ALG13: variants seen among roughly 807,000 people sequenced by gnomAD.
ALG13 encodes the protein ALG13 UDP-N-acetylglucosaminyltransferase subunit.
In ALG13, 11 loss-of-function variants were observed where a neutral mutation model predicts 87.8. The observed-to-expected ratio is 0.13, with a 90% CI of 0.08 to 0.21. ALG13 has a LOEUF of 0.21. ALG13 is among the 10% of genes least tolerant of loss of function. The pLI is 1.00. For missense variants in ALG13, 756 were observed against 866.1 expected, an observed-to-expected ratio of 0.87 and a Z score of 1.60; for synonymous variants, 320 against 306.3, an observed-to-expected ratio of 1.04 and a Z score of -0.47.
chrX:111,723,171 A>G (rs1325970427), intron 13 of ALG13, among the ~76,000 whole-genome samples: 4 of 102,880 alleles, frequency 3.9e-5, no homozygotes, highest in Admixed American at 3.2e-4. Context: ...TTTTTTTTTG[A>G]GACGGAGTCT....
chrX:111,688,751 A>G (rs1298646465), intron 3 of ALG13: 1 of 741,983 alleles, frequency 1.3e-6, no homozygotes, highest in Non-Finnish European at 1.6e-6. Context: ...ATGTGCTTAT[A>G]AAATTAGTTT....
In ALG13 at chrX:111,726,928, C is replaced by T; in HGVS notation, c.1849C>T (p.His617Tyr). The change falls in exon 16 of 27, where the codon CAC becomes TAC. Residue 617 changes from histidine to tyrosine, a missense_variant. By Grantham distance (83) the His-to-Tyr change is moderately conservative. Around this residue, in one of 9 missense-constraint regions of ALG13, gnomAD observed 362 missense variants for 383.5 expected, o/e 0.94. Transcript: ENST00000394780. The stretch of plus-strand genomic sequence containing the variant: ...CCCCCTCCTCCCACCCAGGCTGCAG[C>T]ACAGTATGCATTATGGGCACGATCC... Reference protein sequence around the residue: ...GDPLLPPRLQHSMHYGHDPPM... With the variant: ...GDPLLPPRLQYSMHYGHDPPM... 1 of 1,211,634 alleles carries T rather than the reference C, an allele frequency of 8.3e-7. No homozygotes were observed. The highest frequency in any genetic ancestry group is 1.1e-6 in the Non-Finnish European group (1 of 895,414).
intron 24 of ALG13, among the ~76,000 whole-genome samples, chrX:111,750,190 A>G (rs182326236): frequency 2.7e-5 from 3 of 111,185 alleles, no homozygotes; most frequent in Admixed American, 9.6e-5. Flanking sequence ...TCTAAGTTCT[A>G]CTAACCCCGA....
At chrX:111,683,418 C>A (rs1934071495) in intron 2 of ALG13, among the ~76,000 whole-genome samples, 1 of 106,337 alleles carries the variant, frequency 9.4e-6, no homozygotes, top group Non-Finnish European at 1.9e-5. Context: ...CAACCTCCAC[C>A]TCCCGGGTTC....
chrX:111,751,278 A>G (rs2148461334), intron 24 of ALG13, among the ~76,000 whole-genome samples: 1 of 110,331 alleles, frequency 9.1e-6, no homozygotes, highest in South Asian at 4.0e-4. Flanking sequence ...CATGTTGGCC[A>G]GAATGGTCTC....
intron 25 of ALG13, among the ~76,000 whole-genome samples, chrX:111,755,586 TAAAC>T (rs1360250785): frequency 2.7e-5 from 3 of 111,591 alleles, no homozygotes; most frequent in Admixed American, 9.5e-5. Flanking sequence ...TTACAAGAAA[TAAAC>T]AACCCCATCA....
chrX:111,682,056 T>C, intron 1 of ALG13, 76 bp from the exon 2 acceptor site: 2 of 979,731 alleles, frequency 2.0e-6, no homozygotes, highest in Admixed American at 3.5e-5. Flanking sequence ...CGTCAAACTT[T>C]AGTAGTGGTG....
chrX:111,693,035 C>T (rs1936397553), intron 3 of ALG13, among the ~76,000 whole-genome samples: 1 of 111,182 alleles, frequency 9.0e-6, no homozygotes, highest in Non-Finnish European at 1.9e-5. Flanking sequence ...CCTGCCTCAG[C>T]CTCCCAAAGT....
chrX:111,756,012 C>T (rs1945215256), intron 25 of ALG13, among the ~76,000 whole-genome samples: 1 of 112,499 alleles, frequency 8.9e-6, no homozygotes, highest in African/African-American at 3.2e-5. Flanking sequence ...TTGGAACCAA[C>T]TCACATACCC....
intron 25 of ALG13, among the ~76,000 whole-genome samples, chrX:111,756,942 A>G (rs1412929290): frequency 8.9e-6 from 1 of 111,988 alleles, no homozygotes; most frequent in African/African-American, 3.2e-5. Context: ...AATCTATTTC[A>G]CTGAGGCATT....
chrX:111,688,096 A>G lies in ALG13; in HGVS notation c.383+2993A>G, dbSNP rs1047603406. 66 of 851,782 alleles carry G rather than the reference A, an allele frequency of 7.7e-5. 2 individuals are homozygous for G. In the East Asian group the frequency reaches 8.8e-4, roughly 11 times the overall value. 70.2% of individuals were successfully genotyped at this position (851,782 alleles called of 1,213,427 possible). A position where few individuals can be genotyped will look rare whatever the true frequency, so the allele number is the denominator to read the frequency against. Reference sequence around the variant, plus strand: ...AATACATAATATATATTTACAAAATAATATAATTAATAAACTTCCTACATC... The same window carrying G: ...AATACATAATATATATTTACAAAATGATATAATTAATAAACTTCCTACATC... On this transcript the variant is annotated intron_variant, in intron 3 of 26. Coordinates refer to ENST00000394780, the MANE Select transcript of ALG13 (RefSeq NM_001099922.3).
chrX:111,704,374 A>G (rs188855121), intron 3 of ALG13, among the ~76,000 whole-genome samples: 8 of 111,755 alleles, frequency 7.2e-5, no homozygotes, highest in Admixed American at 5.7e-4. Context: ...AATTGAAAAC[A>G]TAAGTCTAAA....
intron 25 of ALG13, among the ~76,000 whole-genome samples, chrX:111,755,216 T>C (rs948546105): frequency 8.9e-6 from 1 of 112,030 alleles, no homozygotes; most frequent in Non-Finnish European, 1.9e-5. Context: ...CTGGGAAAAC[T>C]GGCTAGCCAT....
At chrX:111,741,120 C>A in intron 23 of ALG13, among the ~76,000 whole-genome samples, 1 of 112,026 alleles carries the variant, frequency 8.9e-6, no homozygotes, top group Non-Finnish European at 1.9e-5. Context: ...TCTCCTGGAT[C>A]TAGCTGCCTA....
chrX:111,738,225 A>G (rs1225026821), intron 23 of ALG13, among the ~76,000 whole-genome samples: 2 of 112,609 alleles, frequency 1.8e-5, no homozygotes, highest in African/African-American at 6.5e-5. Flanking sequence ...GGAGAAGGTC[A>G]TTTTAGTAAT....
intron 22 of ALG13, 148 bp downstream of exon 22, chrX:111,735,270 T>C (rs773867543): frequency 4.5e-4 from 192 of 424,295 alleles, no homozygotes; most frequent in Non-Finnish European, 7.4e-4. Flanking sequence ...ACACAGTGAT[T>C]AGTAAATTAA....
chrX:111,703,079 T>A (rs946876160), intron 3 of ALG13, among the ~76,000 whole-genome samples: 1 of 111,041 alleles, frequency 9.0e-6, no homozygotes, highest in African/African-American at 3.3e-5. Context: ...TTTATTGTTA[T>A]GTCCAGGGAT....
Position 111,744,693 on chromosome X carries a change from C to A in ALG13, c.2721C>A (p.Cys907Ter). The A allele has an allele frequency of 8.4e-7, 1 of 1,184,077 alleles. No individual in the cohort carries two copies. The highest frequency in any genetic ancestry group is 1.1e-6 in the Non-Finnish European group (1 of 883,776). Residue 907 changes from cysteine (C) to a stop codon, truncating the protein, a stop_gained, in exon 24 of 27, where the codon TGC becomes TGA. Transcript: ENST00000394780. LOFTEE classifies it high-confidence loss of function. ...RPVIASPSYP[C>*]HSAIPHAGAS... is the part of the protein sequence containing the mutation. ...TGATTGCCTCACCATCCTATCCATG[C>A]CATTCTGCTATTCCTCATGCTGGTG...
At chrX:111,692,593 T>G (rs772746373) in intron 3 of ALG13, among the ~76,000 whole-genome samples, 2 of 111,539 alleles carry the variant, frequency 1.8e-5, no homozygotes, top group South Asian at 7.6e-4. Flanking sequence ...GGTAAGTTTG[T>G]AGGATCAAGC....
Sources: gnomAD v4.1 joint callset for allele counts (sites outside exome capture counted in the v4.1 genomes callset) on GRCh38, gnomAD v4.1.1 for gene constraint, gnomAD v4.1.1 regional missense constraint, MANE v1.5 for transcripts, NCBI Gene and HGNC (gene_info 2026-07-23, HGNC 2026-07-21) for gene names.